The following SEMA5A variants were observed in gnomAD, a reference collection of about 807,000 sequenced individuals.
The protein encoded by SEMA5A is semaphorin-5A.
In SEMA5A, 55 loss-of-function variants were observed where a neutral mutation model predicts 135.5. That is an observed-to-expected ratio of 0.41 (90% CI 0.33 to 0.51). The LOEUF is 0.51. SEMA5A is among the 20% of genes least tolerant of loss of function. The pLI is 0.37. For synonymous variants in SEMA5A, 580 were observed against 546.5 expected (o/e 1.06, Z -0.85); for missense variants, 1,290 against 1,419.9 (o/e 0.91, Z 1.47).
intron 1 of SEMA5A, among the ~76,000 whole-genome samples, chr5:9,531,098 A>C (rs1561326775): frequency 6.6e-6 from 1 of 151,780 alleles, no homozygotes. Flanking sequence ...TCCCTAAAAA[A>C]CTCCAGGAAG....
At chr5:9,172,094 G>C (rs1175959404) in intron 11 of SEMA5A, among the ~76,000 whole-genome samples, 1 of 152,142 alleles carries the variant, frequency 6.6e-6, no homozygotes, top group Non-Finnish European at 1.5e-5. Flanking sequence ...CAGAATCTAG[G>C]GAACTAGAAG....
chr5:9,202,818 C>A (rs1745792296), intron 8 of SEMA5A, among the ~76,000 whole-genome samples: 1 of 152,040 alleles, frequency 6.6e-6, no homozygotes, highest in Admixed American at 6.6e-5. Flanking sequence ...TTAGCTGTAG[C>A]AATTTCTGTT....
At chr5:9,431,097 G>T (rs1329239703) in intron 2 of SEMA5A, among the ~76,000 whole-genome samples, 1 of 152,188 alleles carries the variant, frequency 6.6e-6, no homozygotes, top group Admixed American at 6.5e-5. Context: ...GAATTAATCA[G>T]TGTCCACTAG....
Position 9,041,260 on chromosome 5 carries a change from T to TA in SEMA5A, c.*1636dup, listed in dbSNP as rs1338730230. The TA allele has an allele frequency of 1.3e-5, 2 of 152,202 alleles. No homozygotes were observed. Among genetic ancestry groups the TA allele is most frequent in the African/African-American group, 4.8e-5 (2 of 41,466 alleles). 9.4% of individuals were successfully genotyped at this position (152,202 alleles called of 1,614,324 possible). A position where few individuals can be genotyped will look rare whatever the true frequency, so the allele number is the denominator to read the frequency against. On this transcript the variant is annotated 3_prime_UTR_variant, in exon 23 of 23. Coordinates refer to ENST00000382496, the MANE Select transcript of SEMA5A (RefSeq NM_003966.3). Reference sequence around the variant, plus strand: ...TTTAAATTAGAAACAAAGATAAGGGTAAAATCACATATGCTAATAAAATTC... The same window carrying TA: ...TTTAAATTAGAAACAAAGATAAGGGTAAAAATCACATATGCTAATAAAATTC...
intron 5 of SEMA5A, among the ~76,000 whole-genome samples, chr5:9,268,286 G>A (rs1162255336): frequency 6.6e-6 from 1 of 152,088 alleles, no homozygotes; most frequent in Admixed American, 6.5e-5. Flanking sequence ...TAAAAATACA[G>A]AGACAGGCTG....
chr5:9,493,072 A>G lies in SEMA5A; in HGVS notation c.-175+52512T>C, dbSNP rs1357588591. On this transcript the variant is annotated intron_variant, in intron 1 of 22. Transcript: ENST00000382496. ...TCGATTGCAACAAATAGACCACTCT[A>G]GTGGGGAATGTCAACAATGGAGGAG... 5.3e-5 allele frequency among the ~76,000 whole-genome samples: 8 copies of G among 152,096 alleles called. No homozygotes were observed. The South Asian group carries it at 1.7e-3, about 32-fold the overall frequency.
At chr5:9,220,095 A>G (rs185202403) in intron 8 of SEMA5A, among the ~76,000 whole-genome samples, 3 of 152,234 alleles carry the variant, frequency 2.0e-5, no homozygotes, top group Non-Finnish European at 2.9e-5. Context: ...CAAGGGGAGT[A>G]ATTCAAGAAT....
chr5:9,347,792 T>A (rs1445182154), intron 3 of SEMA5A, among the ~76,000 whole-genome samples: 1 of 152,192 alleles, frequency 6.6e-6, no homozygotes, highest in Non-Finnish European at 1.5e-5. Flanking sequence ...ACCGTTTCTC[T>A]AAGCTAGATC....
At chr5:9,328,577 G>A (rs3777330) in intron 4 of SEMA5A, among the ~76,000 whole-genome samples, 24,884 of 151,982 alleles carry the variant, frequency 0.16, 2,350 homozygotes, top group African/African-American at 0.25. Context: ...TCAGGAGTTC[G>A]AGACCAGCCT....
At chr5:9,518,912 C>A (rs533424587) in intron 1 of SEMA5A, among the ~76,000 whole-genome samples, 2 of 151,818 alleles carry the variant, frequency 1.3e-5, no homozygotes, top group Middle Eastern at 3.4e-3. Context: ...TCACTCCAAG[C>A]AAGAGCAGAA....
intron 18 of SEMA5A, among the ~76,000 whole-genome samples, chr5:9,057,785 G>A (rs1736970816): frequency 6.6e-6 from 1 of 152,138 alleles, no homozygotes; most frequent in Non-Finnish European, 1.5e-5. Context: ...TGCTTAGTCT[G>A]CAATTGCCCT....
At chr5:9,095,502 C>T (rs551728177) in intron 16 of SEMA5A, among the ~76,000 whole-genome samples, 1 of 152,194 alleles carries the variant, frequency 6.6e-6, no homozygotes, top group Non-Finnish European at 1.5e-5. Flanking sequence ...TTTAGGATTA[C>T]TAAAGGGATA....
chr5:9,464,382 C>T (rs944735522), intron 1 of SEMA5A, among the ~76,000 whole-genome samples: 3 of 152,160 alleles, frequency 2.0e-5, no homozygotes, highest in African/African-American at 4.8e-5. Flanking sequence ...ACGTTTCCAT[C>T]GGCTTAGAAA....
In SEMA5A at chr5:9,330,156, C is replaced by T. The variant is rs184918272; in HGVS notation, c.224+7557G>A. 1.6e-3 allele frequency among the ~76,000 whole-genome samples: 241 copies of T among 151,936 alleles called. 1 individual carries two copies. Among genetic ancestry groups the T allele is most frequent in the Admixed American group, 8.6e-3 (131 of 15,264 alleles). ...GAAAAAAAAAATACAGATGGGAGGCCGAGGTGGGCGGATCGCCAGGTCAGG... is the reference window on the plus strand; with the variant it reads ...GAAAAAAAAAATACAGATGGGAGGCTGAGGTGGGCGGATCGCCAGGTCAGG... On this transcript the variant is annotated intron_variant, in intron 4 of 22. Transcript: ENST00000382496.
At chr5:9,069,003 AGTTGTGAT>A (rs2150077887) in intron 16 of SEMA5A, among the ~76,000 whole-genome samples, 1 of 152,302 alleles carries the variant, frequency 6.6e-6, no homozygotes, top group East Asian at 1.9e-4. Context: ...CCCAGCAGCT[AGTTGTGAT>A]GACGTACAGG....
At chr5:9,221,523 C>T (rs4702615) in intron 8 of SEMA5A, among the ~76,000 whole-genome samples, 67,849 of 150,682 alleles carry the variant, frequency 0.45, 15,580 homozygotes, top group African/African-American at 0.55. Context: ...AGGATGGTCT[C>T]GATCTCCTGA....
intron 3 of SEMA5A, among the ~76,000 whole-genome samples, chr5:9,364,283 G>T (rs1350731337): frequency 2.6e-5 from 4 of 151,278 alleles, no homozygotes; most frequent in African/African-American, 9.7e-5. Context: ...ACCTTTGAGA[G>T]TGAAGAACTA....
chr5:9,279,180 G>C, intron 5 of SEMA5A, among the ~76,000 whole-genome samples: 1 of 152,232 alleles, frequency 6.6e-6, no homozygotes, highest in East Asian at 1.9e-4. Context: ...TCCAGCCCTT[G>C]TGTTAGTGTG....
At chr5:9,443,326 G>C (rs187434120) in intron 1 of SEMA5A, among the ~76,000 whole-genome samples, 1 of 152,186 alleles carries the variant, frequency 6.6e-6, no homozygotes, top group East Asian at 1.9e-4. Flanking sequence ...AAAAGTTATA[G>C]GGAAGAAAGC....
Sources: allele counts gnomAD v4.1 joint callset (sites outside exome capture counted in the v4.1 genomes callset), GRCh38; gene constraint gnomAD v4.1.1; transcripts MANE v1.5; gene names NCBI Gene and HGNC (gene_info 2026-07-23, HGNC 2026-07-21).